CPPED1: variants seen among roughly 807,000 people sequenced by gnomAD.
CPPED1 encodes the protein calcineurin like phosphoesterase domain containing 1.
CPPED1 carries 28 observed loss-of-function variants against 28.0 expected under a neutral mutation model. That is an observed-to-expected ratio of 1.00 (90% CI 0.74 to 1.37). The LOEUF (loss-of-function observed/expected upper bound fraction) is 1.37. Ranked by LOEUF, CPPED1 falls within the 40% of genes most tolerant of loss-of-function variation. CPPED1 has a pLI of 0.00. For missense variants in CPPED1, 504 were observed against 416.5 expected (o/e 1.21, Z -1.83); for synonymous variants, 198 against 180.2 (o/e 1.10, Z -0.79).
In CPPED1 at chr16:12,684,721, G is replaced by C. The variant is rs139950437; in HGVS notation, c.716-19606C>G. 2.9e-3 allele frequency among the ~76,000 whole-genome samples: 441 copies of C among 152,222 alleles called. 5 individuals are homozygous for C. The highest frequency in any genetic ancestry group is 9.6e-3 in the African/African-American group (397 of 41,524). Reference sequence around the variant, plus strand: ...GGCTCCCACCTTGGTTTCCCCTACTGGTCTATGAGCTCCTTAAGGGCAGAG... The same window carrying C: ...GGCTCCCACCTTGGTTTCCCCTACTCGTCTATGAGCTCCTTAAGGGCAGAG... On this transcript the variant is annotated intron_variant, in intron 3 of 3. Coordinates refer to ENST00000381774, the MANE Select transcript of CPPED1 (RefSeq NM_018340.3).
intron 2 of CPPED1, among the ~76,000 whole-genome samples, chr16:12,776,393 C>T (rs980868287): frequency 1.3e-5 from 2 of 152,180 alleles, no homozygotes; most frequent in Non-Finnish European, 2.9e-5. Flanking sequence ...ACATACCATC[C>T]TTTGGAATAA....
intron 3 of CPPED1, among the ~76,000 whole-genome samples, chr16:12,671,686 A>G (rs868139169): frequency 2.0e-5 from 3 of 152,156 alleles, no homozygotes; most frequent in East Asian, 1.9e-4. Flanking sequence ...GTCAATGATG[A>G]ACGCCATATA....
chr16:12,780,681 C>T (rs552394417), intron 2 of CPPED1, among the ~76,000 whole-genome samples: 2 of 150,602 alleles, frequency 1.3e-5, no homozygotes, highest in East Asian at 3.9e-4. Flanking sequence ...GCTGTACCTG[C>T]AACCCAGGTC....
chr16:12,734,958 G>A (rs779750801), intron 2 of CPPED1, among the ~76,000 whole-genome samples: 1 of 152,154 alleles, frequency 6.6e-6, no homozygotes, highest in Non-Finnish European at 1.5e-5. Flanking sequence ...AGACTGCAGA[G>A]ACCAGGCAAG....
chr16:12,718,389 A>T (rs1366838345), intron 2 of CPPED1, among the ~76,000 whole-genome samples: 1 of 151,678 alleles, frequency 6.6e-6, no homozygotes, highest in Non-Finnish European at 1.5e-5. Context: ...AAATACAAAA[A>T]CTAGCTGGGC....
chr16:12,707,398 G>A (rs887400053), intron 2 of CPPED1, among the ~76,000 whole-genome samples: 6 of 152,260 alleles, frequency 3.9e-5, no homozygotes, highest in South Asian at 2.1e-4. Context: ...GAGGAGTGGG[G>A]ATTTGAACTT....
intron 1 of CPPED1, among the ~76,000 whole-genome samples, chr16:12,799,707 G>C (rs2080647788): frequency 6.6e-6 from 1 of 152,194 alleles, no homozygotes; most frequent in Non-Finnish European, 1.5e-5. Context: ...TGAGTGCAAT[G>C]GAAGCAGCAA....
chr16:12,736,787 A>G (rs1405758119), intron 2 of CPPED1, among the ~76,000 whole-genome samples: 2 of 152,206 alleles, frequency 1.3e-5, no homozygotes, highest in African/African-American at 4.8e-5. Context: ...AAGATGGATG[A>G]TCAGTGCAGC....
In CPPED1 at chr16:12,704,929, TCGGC is replaced by T; in HGVS notation, c.406_409del (p.Ala136ArgfsTer41). ...AGTCCGGCAGAACTCCTCGACGGTC[TCGGC>T]CGTGGGGGTGTTGCCAATGTCATGG... On this transcript the variant is annotated frameshift_variant, in exon 3 of 4. Coordinates refer to ENST00000381774, the MANE Select transcript of CPPED1 (RefSeq NM_018340.3). LOFTEE classifies it high-confidence loss of function. 6.2e-7 allele frequency: 1 copy of T among 1,614,152 alleles called. No individual in the cohort carries two copies. The highest frequency in any genetic ancestry group is 8.5e-7 in the Non-Finnish European group (1 of 1,180,030).
At chr16:12,762,043 A>C (rs899879141) in intron 2 of CPPED1, among the ~76,000 whole-genome samples, 6 of 151,818 alleles carry the variant, frequency 4.0e-5, no homozygotes, top group African/African-American at 1.5e-4. Flanking sequence ...CAATGTCAGC[A>C]CCATAGGAAA....
intron 2 of CPPED1, among the ~76,000 whole-genome samples, chr16:12,739,184 G>A (rs2080241749): frequency 6.6e-6 from 1 of 152,204 alleles, no homozygotes; most frequent in African/African-American, 2.4e-5. Flanking sequence ...TGTGCATGTA[G>A]AATAAGTAGT....
chr16:12,681,201 C>A (rs2079903215), intron 3 of CPPED1, among the ~76,000 whole-genome samples: 1 of 144,602 alleles, frequency 6.9e-6, no homozygotes, highest in Admixed American at 7.2e-5. Flanking sequence ...TAAACTTAAT[C>A]CCCAGGGTAA....
chr16:12,750,040 T>C (rs1314254089), intron 2 of CPPED1, among the ~76,000 whole-genome samples: 3 of 152,372 alleles, frequency 2.0e-5, no homozygotes, highest in African/African-American at 4.8e-5. Flanking sequence ...ACGTTTCTGT[T>C]GTGGAGATGG....
chr16:12,694,893 T>A (rs2079982218), intron 3 of CPPED1, among the ~76,000 whole-genome samples: 1 of 152,112 alleles, frequency 6.6e-6, no homozygotes, highest in African/African-American at 2.4e-5. Flanking sequence ...TTCTCCTGCT[T>A]CAGCCTCTGG....
chr16:12,729,074 T>A (rs1489364467), intron 2 of CPPED1, among the ~76,000 whole-genome samples: 1 of 152,156 alleles, frequency 6.6e-6, no homozygotes, highest in African/African-American at 2.4e-5. Flanking sequence ...CTGATCTGCC[T>A]GTCACCATCT....
At position 12,740,131 on chromosome 16, in the gene CPPED1, C is replaced by T. The variant is rs570666626; in HGVS notation, c.290-35082G>A. On this transcript the variant is annotated intron_variant, in intron 2 of 3. Transcript: ENST00000381774. ...GAAAGGAAAGAAAGGAAAGAAAGAG[C>T]GAGCCAGCCCTGCTTTATTTAAGAT... 4.3e-4 allele frequency among the ~76,000 whole-genome samples: 65 copies of T among 149,544 alleles called. No homozygotes were observed. In the South Asian group the frequency reaches 0.013, roughly 29 times the overall value.
chr16:12,777,441 A>G (rs959104224), intron 2 of CPPED1, among the ~76,000 whole-genome samples: 1 of 152,196 alleles, frequency 6.6e-6, no homozygotes, highest in African/African-American at 2.4e-5. Context: ...GACAAGAGTA[A>G]CCCTAAATTA....
chr16:12,678,717 T>C (rs2079890453), intron 3 of CPPED1, among the ~76,000 whole-genome samples: 1 of 152,226 alleles, frequency 6.6e-6, no homozygotes, highest in Non-Finnish European at 1.5e-5. Context: ...AAAATACAAT[T>C]ATTTTTGTCT....
At chr16:12,748,699 C>T (rs2080307311) in intron 2 of CPPED1, among the ~76,000 whole-genome samples, 1 of 152,058 alleles carries the variant, frequency 6.6e-6, no homozygotes, top group African/African-American at 2.4e-5. Flanking sequence ...GCCTGACCAA[C>T]ATGGTGAAAC....
Sources: allele counts gnomAD v4.1 joint callset (sites outside exome capture counted in the v4.1 genomes callset), GRCh38; gene constraint gnomAD v4.1.1; transcripts MANE v1.5; gene names NCBI Gene and HGNC (gene_info 2026-07-23, HGNC 2026-07-21).